Variants in AKAP11 observed in about 807,000 individuals in gnomAD.
AKAP11 encodes A-kinase anchoring protein 11.
In AKAP11, 36 loss-of-function variants were observed where a neutral mutation model predicts 146.1. The observed-to-expected ratio is 0.25, with a 90% CI of 0.19 to 0.33. AKAP11 has a LOEUF of 0.33. Ranked by LOEUF, AKAP11 falls within the 10% of genes least tolerant of loss-of-function variation. The pLI is 1.00. For missense variants in AKAP11, 2,201 were observed against 2,197.0 expected, an observed-to-expected ratio of 1.00 and a Z score of -0.04; for synonymous variants, 780 against 786.5, an observed-to-expected ratio of 0.99 and a Z score of 0.14.
Position 42,303,873 on chromosome 13 carries a change from A to C in AKAP11, c.5117+10A>C. ...GGCATGCTGTTAGCAGGTAAGTTTC[A>C]CGTTTCTTTTGGTTGTTAATGATAA... On this transcript the variant is annotated intron_variant, in intron 8 of 12. Transcript: ENST00000025301. The C allele has an allele frequency of 6.4e-7, 1 of 1,553,850 alleles. No homozygotes were observed.
intron 1 of AKAP11, among the ~76,000 whole-genome samples, chr13:42,274,181 C>T (rs1958854354): frequency 6.6e-6 from 1 of 151,868 alleles, no homozygotes; most frequent in Non-Finnish European, 1.5e-5. Context: ...GTCTTGTGGT[C>T]TGCATTTTAT....
In AKAP11 at chr13:42,300,628, T is replaced by G. The variant is rs1260758894; in HGVS notation, c.1882T>G (p.Leu628Val). ...GGTGAGTGAAGCTTTATCAAATGCCTTAAAAGATTTACAGTATGTAAAGAA... is the reference window on the plus strand; with the variant it reads ...GGTGAGTGAAGCTTTATCAAATGCCGTAAAAGATTTACAGTATGTAAAGAA... ...FLVSEALSNA[L>V]KDLQYVKKQI... The change falls in exon 8 of 13, where the codon TTA (leucine) becomes GTA (valine). Residue 628 changes from leucine (L) to valine (V), a missense_variant. Coordinates refer to ENST00000025301, the MANE Select transcript of AKAP11 (RefSeq NM_016248.4). The G allele has an allele frequency of 5.6e-6, 9 of 1,613,956 alleles. No individual in the cohort carries two copies. Among genetic ancestry groups the G allele is most frequent in the Non-Finnish European group, 7.6e-6 (9 of 1,179,950 alleles).
At chr13:42,314,572 TATAAG>T (rs1467656070) in intron 11 of AKAP11, among the ~76,000 whole-genome samples, 4 of 152,272 alleles carry the variant, frequency 2.6e-5, no homozygotes, top group East Asian at 3.9e-4. Flanking sequence ...TTACTCATGT[TATAAG>T]ATAATTTATT....
At chr13:42,276,608 CCTT>C (rs1291752747) in intron 1 of AKAP11, among the ~76,000 whole-genome samples, 1 of 152,182 alleles carries the variant, frequency 6.6e-6, no homozygotes, top group African/African-American at 2.4e-5. Context: ...ATTTGCAAAG[CCTT>C]CTGATTTACC....
rs557088902 is a variant in AKAP11, at chr13:42,313,820, T to C, written c.5358-74T>C. On this transcript the variant is annotated intron_variant, in intron 10 of 12. Transcript: ENST00000025301. ...ATTGTAACATTCATTCATTACCACA[T>C]TTTTAAGAATTTGTTTTGATACCAT... 1,248 of 1,314,244 alleles carry C rather than the reference T, an allele frequency of 9.5e-4. 18 individuals are homozygous for C. The South Asian group carries it at 0.015, about 16-fold the overall frequency. 81.4% of individuals were successfully genotyped at this position (1,314,244 alleles called of 1,614,324 possible). A position where few individuals can be genotyped will look rare whatever the true frequency, so the allele number is the denominator to read the frequency against.
Position 42,319,277 on chromosome 13 carries a change from A to G in AKAP11, c.*49A>G. On this transcript the variant is annotated 3_prime_UTR_variant, in exon 13 of 13. Coordinates refer to ENST00000025301, the MANE Select transcript of AKAP11 (RefSeq NM_016248.4). ...TTAGTATTTGTTTGGGGAGGGGAAC[A>G]AGCCAATAAAGATGTTTAGGATAAA... 6.3e-7 allele frequency: 1 copy of G among 1,583,022 alleles called. No homozygotes were observed. Among genetic ancestry groups the G allele is most frequent in the Non-Finnish European group, 8.6e-7 (1 of 1,166,860 alleles).
intron 11 of AKAP11, among the ~76,000 whole-genome samples, chr13:42,315,160 AT>A (rs1352610949): frequency 6.6e-6 from 1 of 152,204 alleles, no homozygotes; most frequent in East Asian, 1.9e-4. Context: ...AATTTACTTT[AT>A]GACACCTGAA....
chr13:42,308,985 T>C (rs556430021), intron 9 of AKAP11, among the ~76,000 whole-genome samples: 1 of 152,280 alleles, frequency 6.6e-6, no homozygotes, highest in African/African-American at 2.4e-5. Flanking sequence ...GGCATCAAAG[T>C]AGCCCTGTAC....
intron 1 of AKAP11, among the ~76,000 whole-genome samples, chr13:42,279,210 T>C (rs1231429426): frequency 1.2e-5 from 1 of 82,142 alleles, no homozygotes; most frequent in Non-Finnish European, 2.6e-5. Context: ...CTATTTTGTC[T>C]TCAAATTTTT....
intron 9 of AKAP11, among the ~76,000 whole-genome samples, chr13:42,309,276 A>T (rs1960435602): frequency 6.6e-6 from 1 of 152,214 alleles, no homozygotes; most frequent in Non-Finnish European, 1.5e-5. Flanking sequence ...GGCATTTCTG[A>T]CTAACCTATA....
chr13:42,286,471 A>AGCTAT, intron 3 of AKAP11, 72 bp downstream of exon 3: 1 of 1,117,250 alleles, frequency 9.0e-7, no homozygotes, highest in Non-Finnish European at 1.3e-6. Context: ...TAAGTCCTAC[A>AGCTAT]GCTATGATGT....
chr13:42,315,800 G>T (rs1035080882), intron 11 of AKAP11, among the ~76,000 whole-genome samples: 1 of 152,118 alleles, frequency 6.6e-6, no homozygotes, highest in Non-Finnish European at 1.5e-5. Context: ...GAGCTAGATT[G>T]GTCTGGATTT....
chr13:42,271,881 T>A (rs568636143), upstream of AKAP11, among the ~76,000 whole-genome samples: 1 of 151,568 alleles, frequency 6.6e-6, no homozygotes. Context: ...CTCCGCGGGC[T>A]GCACTGGAGC....
chr13:42,290,318 G>A (rs1050078748), intron 3 of AKAP11, among the ~76,000 whole-genome samples: 9 of 152,216 alleles, frequency 5.9e-5, no homozygotes, highest in African/African-American at 1.7e-4. Flanking sequence ...TGTTCATTCC[G>A]GTCTATCAGA....
At position 42,319,462 on chromosome 13, in the gene AKAP11, A is replaced by G; in HGVS notation, c.*234A>G. ...CTTCTATACACATGTGTAGTGTGTC[A>G]AGACCCTAAGAACATGTATTTGAAG... On this transcript the variant is annotated 3_prime_UTR_variant, in exon 13 of 13. Transcript: ENST00000025301. 1 of 453,300 alleles carries G rather than the reference A, an allele frequency of 2.2e-6. No individual in the cohort carries two copies. Among genetic ancestry groups the G allele is most frequent in the Non-Finnish European group, 3.7e-6 (1 of 267,016 alleles). The allele number at this position is 453,300 out of a possible 1,614,324, so 28.1% of individuals were successfully genotyped here. A position where few individuals can be genotyped will look rare whatever the true frequency, so the allele number is the denominator to read the frequency against.
At chr13:42,308,879 T>G (rs1960415125) in intron 9 of AKAP11, among the ~76,000 whole-genome samples, 1 of 151,338 alleles carries the variant, frequency 6.6e-6, no homozygotes, top group African/African-American at 2.4e-5. Flanking sequence ...TCTCCCAAAC[T>G]TTTTATGAAC....
chr13:42,303,952 G>T, intron 8 of AKAP11, 89 bp downstream of exon 8: 1 of 1,418,438 alleles, frequency 7.1e-7, no homozygotes, highest in Non-Finnish European at 9.3e-7. Flanking sequence ...ATAAAGGAAT[G>T]ATTATTTTTA....
chr13:42,277,443 T>C (rs1341975474), intron 1 of AKAP11, among the ~76,000 whole-genome samples: 1 of 152,228 alleles, frequency 6.6e-6, no homozygotes, highest in South Asian at 2.1e-4. Context: ...TCACACTTAG[T>C]ACTTTGTCAA....
At chr13:42,271,903 C>CT (rs1386759760), upstream of AKAP11, among the ~76,000 whole-genome samples, 6 of 151,696 alleles carry the variant, frequency 4.0e-5, no homozygotes, top group South Asian at 2.1e-4. Context: ...CGTGGGAAGG[C>CT]TTTTTTTCCT....
Sources: gnomAD v4.1 joint callset for allele counts (sites outside exome capture counted in the v4.1 genomes callset) on GRCh38, gnomAD v4.1.1 for gene constraint, MANE v1.5 for transcripts, NCBI Gene and HGNC (gene_info 2026-07-23, HGNC 2026-07-21) for gene names.